Variants in TMCC3 observed in about 807,000 individuals in gnomAD.
The protein encoded by TMCC3 is transmembrane and coiled-coil domain protein 3.
In TMCC3, 28 loss-of-function variants were observed where a neutral mutation model predicts 40.2. That is an observed-to-expected ratio of 0.70 (90% CI 0.52 to 0.95). TMCC3 has a LOEUF of 0.95. Ranked by LOEUF, TMCC3 falls within the 40% of genes least tolerant of loss-of-function variation. TMCC3 has a pLI of 0.00. For synonymous variants in TMCC3, 255 were observed against 248.5 expected (o/e 1.03, Z -0.25); for missense variants, 554 against 615.2 (o/e 0.90, Z 1.05).
chr12:94,578,662 A>G (rs2068582725), intron 2 of TMCC3, 133 bp from the exon 3 acceptor site: 1 of 983,958 alleles, frequency 1.0e-6, no homozygotes, highest in African/African-American at 1.6e-5. Flanking sequence ...CTAAAAGAGT[A>G]AGGCTAGCTG....
chr12:94,606,693 G>T (rs2068785528), intron 1 of TMCC3, among the ~76,000 whole-genome samples: 2 of 152,096 alleles, frequency 1.3e-5, no homozygotes, highest in Admixed American at 1.3e-4. Context: ...ATCACATATT[G>T]GTAGGACCGT....
At chr12:94,621,576 G>A (rs949841147) in intron 1 of TMCC3, among the ~76,000 whole-genome samples, 5 of 152,174 alleles carry the variant, frequency 3.3e-5, no homozygotes, top group African/African-American at 1.2e-4. Flanking sequence ...ATCTCTACTG[G>A]AGGTTCTGCA....
At chr12:94,625,260 G>A (rs1054087095) in intron 1 of TMCC3, among the ~76,000 whole-genome samples, 2 of 151,498 alleles carry the variant, frequency 1.3e-5, no homozygotes, top group African/African-American at 4.9e-5. Flanking sequence ...ATATCTTTTG[G>A]TGGGGGACAC....
At chr12:94,634,518 T>C (rs576965673) in intron 1 of TMCC3, among the ~76,000 whole-genome samples, 2 of 152,320 alleles carry the variant, frequency 1.3e-5, no homozygotes, top group East Asian at 3.9e-4. Context: ...TCTTTAAAAA[T>C]AAGAGCTTCA....
intron 2 of TMCC3, among the ~76,000 whole-genome samples, chr12:94,580,560 C>A (rs1258018039): frequency 6.6e-6 from 1 of 152,060 alleles, no homozygotes; most frequent in Non-Finnish European, 1.5e-5. Flanking sequence ...TATGGTGAAA[C>A]CCCATCTCTA....
chr12:94,584,410 G>C lies in TMCC3; in HGVS notation c.79-1872C>G, dbSNP rs112699768. Among the ~76,000 whole-genome samples, 8 of 152,208 alleles carry C rather than the reference G, an allele frequency of 5.3e-5. 2 individuals carry two copies. Among genetic ancestry groups the C allele is most frequent in the African/African-American group, 1.9e-4 (8 of 41,516 alleles). ...AAGCCATGCTTCCTGTACACAGCCT[G>C]CAGAACCGTGAGCCAATTAAACTTC... On this transcript the variant is annotated intron_variant, in intron 1 of 3. Coordinates refer to ENST00000261226, the MANE Select transcript of TMCC3 (RefSeq NM_020698.4).
intron 1 of TMCC3, among the ~76,000 whole-genome samples, chr12:94,607,634 G>A (rs190957097): frequency 1.4e-3 from 212 of 152,306 alleles, no homozygotes; most frequent in African/African-American, 4.5e-3. Flanking sequence ...TTGAACTGCT[G>A]ACCTCAAGTG....
intron 1 of TMCC3, among the ~76,000 whole-genome samples, chr12:94,596,870 A>G (rs1180267347): frequency 6.6e-6 from 1 of 152,102 alleles, no homozygotes; most frequent in Non-Finnish European, 1.5e-5. Flanking sequence ...GTTGCTTTCA[A>G]AACAGACCGA....
chr12:94,571,316 A>G lies in TMCC3; in HGVS notation c.*119T>C, dbSNP rs1205134376. On this transcript the variant is annotated 3_prime_UTR_variant, in exon 4 of 4. Transcript: ENST00000261226. The stretch of plus-strand genomic sequence containing the variant: ...AGAATTGTAGTTATTTACACCACAC[A>G]GTCCTAGTTTTTCTTACACACGAGT... 1 of 1,014,044 alleles carries G rather than the reference A, an allele frequency of 9.9e-7. No homozygotes were observed. The highest frequency in any genetic ancestry group is 1.6e-5 in the South Asian group (1 of 61,386). 62.8% of individuals were successfully genotyped at this position (1,014,044 alleles called of 1,614,324 possible).
intron 1 of TMCC3, chr12:94,598,916 C>G (rs1050862428): frequency 3.2e-6 from 1 of 310,536 alleles, no homozygotes; most frequent in Non-Finnish European, 4.7e-6. Flanking sequence ...ATCTCCAAAA[C>G]ACAGGCAACA....
intron 1 of TMCC3, among the ~76,000 whole-genome samples, chr12:94,646,737 CTTTTT>C (rs56738383): frequency 2.3e-5 from 3 of 131,792 alleles, no homozygotes; most frequent in Non-Finnish European, 5.0e-5. Flanking sequence ...CCGTGCCTGG[CTTTTT>C]TTTTTTTTTT....
chr12:94,644,492 T>A, intron 1 of TMCC3: 1 of 960,010 alleles, frequency 1.0e-6, no homozygotes, highest in Non-Finnish European at 1.2e-6. Context: ...CTACAGCGGA[T>A]GTGACAGGCG....
At chr12:94,574,244 T>A (rs1469683667) in intron 3 of TMCC3, among the ~76,000 whole-genome samples, 1 of 151,860 alleles carries the variant, frequency 6.6e-6, no homozygotes, top group Middle Eastern at 3.2e-3. Context: ...AAAAATTAGC[T>A]GGGCATGGTG....
chr12:94,636,903 T>A (rs1037326208), intron 1 of TMCC3, among the ~76,000 whole-genome samples: 2 of 152,178 alleles, frequency 1.3e-5, no homozygotes, highest in Admixed American at 1.3e-4. Flanking sequence ...ACACCTTGAT[T>A]TCAGGCTGAT....
At chr12:94,575,917 A>G (rs1197435341) in intron 3 of TMCC3, among the ~76,000 whole-genome samples, 1 of 152,126 alleles carries the variant, frequency 6.6e-6, no homozygotes, top group Non-Finnish European at 1.5e-5. Flanking sequence ...CAAGTAGCTA[A>G]GTTTATAGGC....
rs1467855760 is a variant in TMCC3 at position 94,578,165 on chromosome 12, A to AAAAAAAAG, written c.1131+228_1131+229insCTTTTTTT. Among the ~76,000 whole-genome samples, 114 of 123,380 alleles carry AAAAAAAAG rather than the reference A, an allele frequency of 9.2e-4. 6 individuals are homozygous for AAAAAAAAG. The highest frequency in any genetic ancestry group is 3.5e-3 in the South Asian group (13 of 3,734). 80.9% of individuals were successfully genotyped at this position (123,380 alleles called of 152,430 possible). On this transcript the variant is annotated intron_variant, in intron 3 of 3. Transcript: ENST00000261226. ...TCACCTCAAAAAAAAAAAAAAAAAAAAAAGAAAAAGAAAAAGAAAAAAAAA... is the reference window on the plus strand; with the variant it reads ...TCACCTCAAAAAAAAAAAAAAAAAAAAAAAAAAGAAAGAAAAAGAAAAAGAAAAAAAAA...
At chr12:94,593,181 A>G (rs748473047) in intron 1 of TMCC3, among the ~76,000 whole-genome samples, 2 of 150,732 alleles carry the variant, frequency 1.3e-5, no homozygotes, top group African/African-American at 2.4e-5. Flanking sequence ...TGGGAGACAG[A>G]GCAAGACTCT....
intron 3 of TMCC3, among the ~76,000 whole-genome samples, chr12:94,572,610 C>T (rs1364377553): frequency 6.6e-6 from 1 of 152,146 alleles, no homozygotes; most frequent in East Asian, 1.9e-4. Context: ...CATGCCCAGC[C>T]TGACTTTACC....
rs146324949 is a variant in TMCC3, at chr12:94,582,571, T to C, written c.79-33A>G. The C allele has an allele frequency of 4.1e-4, 628 of 1,536,622 alleles. 5 individuals are homozygous for C. The African/African-American group carries it at 7.6e-3, about 18-fold the overall frequency. On this transcript the variant is annotated intron_variant, in intron 1 of 3. Coordinates refer to ENST00000261226, the MANE Select transcript of TMCC3 (RefSeq NM_020698.4). ...AGACAGGAAAGAAGCACATTAAAATTTGAAGTCAAAGAGATAATTACTGTG... is the reference window on the plus strand; with the variant it reads ...AGACAGGAAAGAAGCACATTAAAATCTGAAGTCAAAGAGATAATTACTGTG...
Sources: gnomAD v4.1 joint callset for allele counts (sites outside exome capture counted in the v4.1 genomes callset) on GRCh38, gnomAD v4.1.1 for gene constraint, MANE v1.5 for transcripts, NCBI Gene and HGNC (gene_info 2026-07-23, HGNC 2026-07-21) for gene names.